Variants in PRLR observed in about 807,000 individuals in gnomAD.
The protein encoded by PRLR is hPRL receptor.
Under a neutral mutation model 40.2 loss-of-function variants are expected in PRLR, and 13 were observed. The ratio of observed to expected loss-of-function variants is 0.32; its 90% confidence interval spans 0.21 to 0.51. PRLR has a LOEUF of 0.51. Ranked by LOEUF, PRLR falls within the 20% of genes least tolerant of loss-of-function variation. The pLI is 0.97. For missense variants in PRLR, 656 were observed against 747.3 expected (o/e 0.88, Z 1.42); for synonymous variants, 269 against 278.7 (o/e 0.97, Z 0.35).
intron 5 of PRLR, among the ~76,000 whole-genome samples, chr5:35,083,979 C>T (rs968587866): frequency 1.1e-4 from 17 of 151,742 alleles, no homozygotes; most frequent in African/African-American, 3.6e-4. Flanking sequence ...ATATATATAT[C>T]GCATATATGC....
At chr5:35,132,997 G>A (rs1287947909) in intron 1 of PRLR, among the ~76,000 whole-genome samples, 2 of 152,152 alleles carry the variant, frequency 1.3e-5, no homozygotes, top group African/African-American at 4.8e-5. Context: ...AATCTACTGT[G>A]GGCCTGAATA....
At position 35,144,602 on chromosome 5, in the gene PRLR, C is replaced by T. The variant is rs953821760; in HGVS notation, c.-105-26480G>A. ...CCAAGTAGCTGGGATTACAGGTGCA[C>T]ACCACCATGCCTGGCTAATTTTTTT... is the stretch of plus-strand genomic sequence containing the variant. On this transcript the variant is annotated intron_variant, in intron 1 of 9. Transcript: ENST00000618457. 7.9e-5 allele frequency among the ~76,000 whole-genome samples: 12 copies of T among 151,820 alleles called. No individual in the cohort carries two copies. In the East Asian group the frequency reaches 1.9e-3, roughly 25 times the overall value.
At chr5:35,135,799 G>C (rs1044446295) in intron 1 of PRLR, among the ~76,000 whole-genome samples, 5 of 152,172 alleles carry the variant, frequency 3.3e-5, no homozygotes, top group South Asian at 4.1e-4. Context: ...GCCATGTTTT[G>C]TTCTGGGTGA....
At chr5:35,192,663 C>T (rs1775638172) in intron 1 of PRLR, among the ~76,000 whole-genome samples, 1 of 152,192 alleles carries the variant, frequency 6.6e-6, no homozygotes, top group Admixed American at 6.5e-5. Context: ...CAGTCCCTTC[C>T]ATGTAGCACA....
At chr5:35,083,491 A>G (rs1770654225) in intron 5 of PRLR, among the ~76,000 whole-genome samples, 1 of 148,424 alleles carries the variant, frequency 6.7e-6, no homozygotes, top group South Asian at 2.2e-4. Flanking sequence ...GACCATTGGT[A>G]GTTTTTAACA....
intron 1 of PRLR, among the ~76,000 whole-genome samples, chr5:35,217,326 T>C (rs891301720): frequency 6.6e-6 from 1 of 152,210 alleles, no homozygotes; most frequent in African/African-American, 2.4e-5. Flanking sequence ...TCTGTCTAGA[T>C]TATTTGTAAA....
At chr5:35,143,845 A>G (rs1405563312) in intron 1 of PRLR, among the ~76,000 whole-genome samples, 1 of 152,182 alleles carries the variant, frequency 6.6e-6, no homozygotes, top group Non-Finnish European at 1.5e-5. Context: ...AAGTTTATAA[A>G]ACAGATTTTC....
Position 35,070,205 on chromosome 5 carries a change from A to ATTTC in PRLR, c.600_603dup (p.Tyr202GlufsTer28), listed in dbSNP as rs1262885984. On this transcript the variant is annotated frameshift_variant, in exon 7 of 10. Coordinates refer to ENST00000618457, the MANE Select transcript of PRLR (RefSeq NM_000949.7). LOFTEE classifies it high-confidence loss of function. ...GGTTTGCAGCGAACCTGGACAAGGT[A>ATTTC]TTTCTGTCCTGGATGTAGGCTGAGA... 6.2e-7 allele frequency: 1 copy of ATTTC among 1,613,980 alleles called. No homozygotes were observed. Among genetic ancestry groups the ATTTC allele is most frequent in the African/African-American group, 1.3e-5 (1 of 74,932 alleles).
At chr5:35,086,825 C>A (rs575844497) in intron 3 of PRLR, among the ~76,000 whole-genome samples, 78 of 152,202 alleles carry the variant, frequency 5.1e-4, no homozygotes, top group Admixed American at 4.3e-3. Context: ...CGCTCTATGG[C>A]ACTTCTCCAC....
rs1243167691 is a variant in PRLR at position 35,056,446 on chromosome 5, C to T, written c.*8643G>A. ...CCTAGTCCCCCCACTGCTCCCTTAC[C>T]CCAAGATTTCAAAGTTTCTATTAAA... On this transcript the variant is annotated 3_prime_UTR_variant, in exon 10 of 10. Coordinates refer to ENST00000618457, the MANE Select transcript of PRLR (RefSeq NM_000949.7). The T allele has an allele frequency of 6.6e-6, 1 of 151,998 alleles. No individual in the cohort carries two copies. The highest frequency in any genetic ancestry group is 1.5e-5 in the Non-Finnish European group (1 of 67,976). 9.4% of individuals were successfully genotyped at this position (151,998 alleles called of 1,614,324 possible).
chr5:35,066,864 C>T (rs972067390), intron 9 of PRLR, among the ~76,000 whole-genome samples: 2 of 150,722 alleles, frequency 1.3e-5, no homozygotes, highest in African/African-American at 2.4e-5. Flanking sequence ...CCCGGGTTCA[C>T]GCCATTCTCC....
chr5:35,193,277 C>G (rs1775653383), intron 1 of PRLR, among the ~76,000 whole-genome samples: 1 of 152,130 alleles, frequency 6.6e-6, no homozygotes, highest in Non-Finnish European at 1.5e-5. Flanking sequence ...AGCCTTTGAG[C>G]AAAGCAGCCC....
chr5:35,193,231 AAT>A (rs1452949349), intron 1 of PRLR, among the ~76,000 whole-genome samples: 1 of 152,090 alleles, frequency 6.6e-6, no homozygotes, highest in Non-Finnish European at 1.5e-5. Context: ...CAAGGAGCAA[AAT>A]ATATGTCTCT....
At chr5:35,073,362 C>T (rs1769870916) in intron 5 of PRLR, among the ~76,000 whole-genome samples, 1 of 152,186 alleles carries the variant, frequency 6.6e-6, no homozygotes, top group South Asian at 2.1e-4. Flanking sequence ...TTCATAACAG[C>T]CTGTTGGCCC....
Position 35,175,744 on chromosome 5 carries a change from G to C in PRLR, c.-106+54524C>G, listed in dbSNP as rs532031699. 3.3e-5 allele frequency among the ~76,000 whole-genome samples: 5 copies of C among 152,212 alleles called. No individual in the cohort carries two copies. In the South Asian group the frequency reaches 1.0e-3, roughly 32 times the overall value. ...TCTCAAATAGGATGCTATTCGTAAGGAAGACTTCACAAACTGCCCCCACTT... is the reference window on the plus strand; with the variant it reads ...TCTCAAATAGGATGCTATTCGTAAGCAAGACTTCACAAACTGCCCCCACTT... On this transcript the variant is annotated intron_variant, in intron 1 of 9. Coordinates refer to ENST00000618457, the MANE Select transcript of PRLR (RefSeq NM_000949.7).
chr5:35,177,756 G>A (rs2111967167), intron 1 of PRLR, among the ~76,000 whole-genome samples: 1 of 152,252 alleles, frequency 6.6e-6, no homozygotes, highest in African/African-American at 2.4e-5. Context: ...GTGTGAATAG[G>A]GCTGCTATAA....
At chr5:35,091,798 GC>G (rs1399207860) in intron 2 of PRLR, among the ~76,000 whole-genome samples, 4 of 152,180 alleles carry the variant, frequency 2.6e-5, no homozygotes, top group African/African-American at 7.2e-5. Context: ...GGTACATATA[GC>G]CCCAAATAGT....
At chr5:35,109,404 A>T (rs1772494900) in intron 2 of PRLR, among the ~76,000 whole-genome samples, 1 of 152,242 alleles carries the variant, frequency 6.6e-6, no homozygotes. Flanking sequence ...GCCCAGCAAA[A>T]GAAATCACCA....
At chr5:35,086,027 A>T (rs1259070128) in intron 4 of PRLR, among the ~76,000 whole-genome samples, 181 bp downstream of exon 4, 2 of 152,090 alleles carry the variant, frequency 1.3e-5, no homozygotes, top group African/African-American at 4.8e-5. Context: ...ATATTGACAC[A>T]GCTCTTAACA....
Sources: allele counts gnomAD v4.1 joint callset (sites outside exome capture counted in the v4.1 genomes callset), GRCh38; gene constraint gnomAD v4.1.1; transcripts MANE v1.5; gene names NCBI Gene and HGNC (gene_info 2026-07-23, HGNC 2026-07-21).